Variants in POP5 observed in about 807,000 individuals in gnomAD.
POP5 encodes POP5 ribonuclease P/MRP subunit.
A neutral mutation model predicts 20.7 loss-of-function variants in POP5; 18 were observed. That is an observed-to-expected ratio of 0.87 (90% CI 0.60 to 1.29). POP5 has a LOEUF of 1.29. Among genes scored for constraint, POP5 ranks in the 50% most tolerant of loss-of-function variants. POP5 has a pLI of 0.00. For synonymous variants in POP5, 91 were observed against 78.0 expected (o/e 1.17, Z -0.88); for missense variants, 200 against 203.2 (o/e 0.98, Z 0.10).
chr12:120,581,017 G>A, intron 2 of POP5, 98 bp downstream of exon 2: 2 of 1,524,848 alleles, frequency 1.3e-6, no homozygotes, highest in Non-Finnish European at 8.8e-7. Context: ...CGGTGCACGG[G>A]CTTGGCCACT....
chr12:120,579,336 A>G lies in POP5; in HGVS notation c.474T>C (p.Ala158=), dbSNP rs758741700. 1 of 1,614,182 alleles carries G rather than the reference A, an allele frequency of 6.2e-7. No homozygotes were observed. The change falls in exon 5 of 5, where the codon GCT becomes GCC. Residue 158 remains alanine (A), a synonymous_variant. Transcript: ENST00000357500. ...LEEEEESGEE[A]AEAME is the part of the protein sequence containing the mutation. ...CAGAGGTTCACTCCATTGCTTCTGC[A>G]GCCTCCTCACCTGACTCCTCCTCCT...
At chr12:120,580,119 G>GT in intron 2 of POP5, 196 bp from the exon 3 acceptor site, 1 of 509,574 alleles carries the variant, frequency 2.0e-6, no homozygotes, top group Non-Finnish European at 3.5e-6. Context: ...GTGCGCACCT[G>GT]TAATTCCAGC....
chr12:120,581,366 T>G lies in POP5; in HGVS notation c.-4A>C. ...ACCTGTGCTTGAACCGCACCATGGC[T>G]GCCTCCGCGCTCTCCGGTCCGGCGT... On this transcript the variant is annotated 5_prime_UTR_variant, in exon 1 of 5. Transcript: ENST00000357500. 6.2e-7 allele frequency: 1 copy of G among 1,612,214 alleles called. No homozygotes were observed.
At chr12:120,580,387 T>C (rs1877801003) in intron 2 of POP5, among the ~76,000 whole-genome samples, 1 of 152,224 alleles carries the variant, frequency 6.6e-6, no homozygotes, top group Non-Finnish European at 1.5e-5. Context: ...TGAATGAATT[T>C]AGAATTGAAA....
Position 120,578,912 on chromosome 12 carries a change from G to A in POP5, c.*406C>T. The A allele has an allele frequency of 5.0e-6, 1 of 200,498 alleles. No homozygotes were observed. The highest frequency in any genetic ancestry group is 1.0e-5 in the Non-Finnish European group (1 of 96,914). 12.4% of individuals were successfully genotyped at this position (200,498 alleles called of 1,614,324 possible). ...CCAGCCTGGGTGATAGACTGAGACT[G>A]TCTCAAAAAAAAAAGTTTAACTAGT... On this transcript the variant is annotated 3_prime_UTR_variant, in exon 5 of 5. Transcript: ENST00000357500.
In POP5 at chr12:120,579,807, A is replaced by C; in HGVS notation, c.280T>G (p.Tyr94Asp). 6.2e-7 allele frequency: 1 copy of C among 1,608,956 alleles called. No homozygotes were observed. The highest frequency in any genetic ancestry group is 1.1e-5 in the South Asian group (1 of 90,968). ...ITYLENKGHR[Y>D]PCFFNTLHVG... ...TGTAATGTGTTGAAAAAGCATGGGT[A>C]ACGGTGTCCTTTGTTCTCCAAGTAT... is the stretch of plus-strand genomic sequence containing the variant. Residue 94 changes from tyrosine (Y) to aspartate (D), a missense_variant, in exon 3 of 5, where the codon TAC (tyrosine) becomes GAC (aspartate). By Grantham distance (160) the Tyr-to-Asp change is radical (BLOSUM62 -3). Coordinates refer to ENST00000357500, the MANE Select transcript of POP5 (RefSeq NM_015918.4).
Position 120,579,597 on chromosome 12 carries a change from CCTGGCA to C in POP5, c.314-6_314-1del. 6.2e-7 allele frequency: 1 copy of C among 1,612,176 alleles called. No homozygotes were observed. The highest frequency in any genetic ancestry group is 1.7e-4 in the Middle Eastern group (1 of 6,060). ...GAACTTCTGACATGTTCTTATTGTA[CCTGGCA>C]TATGAGTTACTGTGGTCAACAGCTT... is the stretch of plus-strand genomic sequence containing the variant. On this transcript the variant is annotated splice_acceptor_variant and splice_polypyrimidine_tract_variant and intron_variant, in intron 3 of 4. Transcript: ENST00000357500. LOFTEE classifies it high-confidence loss of function.
At chr12:120,581,042 C>G in intron 2 of POP5, 73 bp downstream of exon 2, 1 of 1,570,432 alleles carries the variant, frequency 6.4e-7, no homozygotes, top group Non-Finnish European at 8.6e-7. Context: ...CCCCTTCTTT[C>G]TTCCTCCGGC....
intron 4 of POP5, 47 bp from the exon 5 acceptor site, chr12:120,579,459 T>A: frequency 3.1e-6 from 5 of 1,607,664 alleles, no homozygotes; most frequent in Non-Finnish European, 3.4e-6. Context: ...TGGGAGTGAT[T>A]TCTTCAGCTT....
chr12:120,581,154 C>A lies in POP5; in HGVS notation c.124G>T (p.Gly42Ter), dbSNP rs770052816. The change falls in exon 2 of 5, where the codon GGA (glycine) becomes TGA (stop). Residue 42 changes from glycine to a stop codon, truncating the protein, a stop_gained. Coordinates refer to ENST00000357500, the MANE Select transcript of POP5 (RefSeq NM_015918.4). LOFTEE classifies it high-confidence loss of function. ...GAGCAGGCGGCTGCGCCGAAAGTTC[C>A]GTGCACCCTGGCGATCGTGTCCCGT... ...LVRDTIARVH[G>*]TFGAAACSIG... 1.1e-5 allele frequency: 18 copies of A among 1,613,382 alleles called. No individual in the cohort carries two copies. The highest frequency in any genetic ancestry group is 1.7e-5 in the Admixed American group (1 of 60,010).
intron 3 of POP5, 75 bp from the exon 4 acceptor site, chr12:120,579,672 T>A (rs1235440670): frequency 2.7e-6 from 2 of 734,118 alleles, no homozygotes; most frequent in Non-Finnish European, 3.9e-6. Context: ...TAGGGGGAAG[T>A]GTCTTGTTAG....
intron 1 of POP5, 25 bp from the exon 2 acceptor site, chr12:120,581,282 A>G (rs776554007): frequency 1.2e-6 from 2 of 1,614,180 alleles, no homozygotes; most frequent in East Asian, 2.2e-5. Flanking sequence ...AGGAAGGTGG[A>G]CACTAGCGGG....
In POP5 at chr12:120,579,943, T is replaced by A; in HGVS notation, c.164-20A>T. 1 of 1,610,072 alleles carries A rather than the reference T, an allele frequency of 6.2e-7. No homozygotes were observed. Reference sequence around the variant, plus strand: ...ATCGAACTACAACAGGAAAGAAAAATCATTTTGGAAAACTTTTGCTCTGTG... The same window carrying A: ...ATCGAACTACAACAGGAAAGAAAAAACATTTTGGAAAACTTTTGCTCTGTG... On this transcript the variant is annotated intron_variant, in intron 2 of 4. Transcript: ENST00000357500.
Position 120,578,916 on chromosome 12 carries a change from C to CAA in POP5, c.*400_*401dup. 2 of 191,204 alleles carry CAA rather than the reference C, an allele frequency of 1.0e-5. No homozygotes were observed. Among genetic ancestry groups the CAA allele is most frequent in the African/African-American group, 2.4e-5 (1 of 41,536 alleles). 11.8% of individuals were successfully genotyped at this position (191,204 alleles called of 1,614,324 possible). A position where few individuals can be genotyped will look rare whatever the true frequency, so the allele number is the denominator to read the frequency against. ...CCTGGGTGATAGACTGAGACTGTCT[C>CAA]AAAAAAAAAAGTTTAACTAGTACCA... is the stretch of plus-strand genomic sequence containing the variant. On this transcript the variant is annotated 3_prime_UTR_variant, in exon 5 of 5. Transcript: ENST00000357500.
rs1467917061 is a variant in POP5 at position 120,579,177 on chromosome 12, A to C, written c.*141T>G. The stretch of plus-strand genomic sequence containing the variant: ...CAACTTCAGTTTAACTGAGTACTCC[A>C]TTTCAAGTGGGTAATGTCTGCTGGT... On this transcript the variant is annotated 3_prime_UTR_variant, in exon 5 of 5. Transcript: ENST00000357500. 1.4e-6 allele frequency: 1 copy of C among 732,672 alleles called. No homozygotes were observed. The highest frequency in any genetic ancestry group is 2.4e-6 in the Non-Finnish European group (1 of 422,782). 45.4% of individuals were successfully genotyped at this position (732,672 alleles called of 1,614,324 possible).
At chr12:120,581,015 G>A in intron 2 of POP5, 100 bp downstream of exon 2, 4 of 1,502,648 alleles carry the variant, frequency 2.7e-6, no homozygotes, top group Non-Finnish European at 3.5e-6. Flanking sequence ...AACGGTGCAC[G>A]GGCTTGGCCA....
intron 2 of POP5, 89 bp from the exon 3 acceptor site, chr12:120,580,012 CG>C: frequency 7.7e-7 from 1 of 1,301,118 alleles, no homozygotes; most frequent in Non-Finnish European, 1.1e-6. Flanking sequence ...GAGGCTGAGG[CG>C]GGCAGATCAC....
chr12:120,579,810 G>T lies in POP5; in HGVS notation c.277C>A (p.Arg93Ser), dbSNP rs1040403223. The change falls in exon 3 of 5, where the codon CGT (arginine) becomes AGT (serine). Residue 93 changes from arginine to serine, a missense_variant. Arg to Ser is a moderately radical substitution (Grantham distance 110). Coordinates refer to ENST00000357500, the MANE Select transcript of POP5 (RefSeq NM_015918.4). ...AATGTGTTGAAAAAGCATGGGTAAC[G>T]GTGTCCTTTGTTCTCCAAGTATGTG... ...FITYLENKGHRYPCFFNTLHV... is the reference protein window; with the variant it reads ...FITYLENKGHSYPCFFNTLHV... The T allele has an allele frequency of 6.8e-6, 11 of 1,608,170 alleles. No individual in the cohort carries two copies. The Admixed American group carries it at 1.2e-4, about 17-fold the overall frequency.
In POP5 at chr12:120,581,145, C is replaced by G; in HGVS notation, c.133G>C (p.Gly45Arg). The G allele has an allele frequency of 6.2e-7, 1 of 1,613,138 alleles. No homozygotes were observed. Among genetic ancestry groups the G allele is most frequent in the South Asian group, 1.1e-5 (1 of 91,082 alleles). ...AAGCCGATGGAGCAGGCGGCTGCGC[C>G]GAAAGTTCCGTGCACCCTGGCGATC... The part of the protein sequence containing the change: ...DTIARVHGTF[G>R]AAACSIGFAV... Residue 45 changes from glycine (G) to arginine (R), a missense_variant, in exon 2 of 5, where the codon GGC becomes CGC. By Grantham distance (125) the Gly-to-Arg change is moderately radical. Transcript: ENST00000357500.
Sources: allele counts gnomAD v4.1 joint callset (sites outside exome capture counted in the v4.1 genomes callset), GRCh38; gene constraint gnomAD v4.1.1; transcripts MANE v1.5; gene names NCBI Gene and HGNC (gene_info 2026-07-23, HGNC 2026-07-21).